Variants in PCNX3 observed in about 807,000 individuals in gnomAD.
PCNX3 encodes pecanex-like protein 3.
In PCNX3, 58 loss-of-function variants were observed where a neutral mutation model predicts 207.2. The ratio of observed to expected loss-of-function variants is 0.28; its 90% CI spans 0.23 to 0.35. PCNX3 has a LOEUF of 0.35. Among genes scored for constraint, PCNX3 ranks in the 10% least tolerant of loss-of-function variants. The probability of loss-of-function intolerance (pLI) is 1.00; values close to 1 mark genes in which losing one functional copy is unlikely to be tolerated. For synonymous variants in PCNX3, 1,337 were observed against 1,183.5 expected (o/e 1.13, Z -2.66); for missense variants, 2,410 against 2,774.4 (o/e 0.87, Z 2.95).
At chr11:65,627,907 C>T (rs1263092381) in intron 22 of PCNX3, among the ~76,000 whole-genome samples, 1 of 152,202 alleles carries the variant, frequency 6.6e-6, no homozygotes, top group East Asian at 1.9e-4. Flanking sequence ...TGGACGCAGA[C>T]CTCTGAGTTC....
intron 6 of PCNX3, chr11:65,619,289 C>T (rs1030663196): frequency 1.3e-5 from 5 of 397,688 alleles, no homozygotes; most frequent in African/African-American, 2.2e-5. Context: ...GAGTCTCTGT[C>T]CCCTGAGGAC....
At position 65,616,623 on chromosome 11, in the gene PCNX3, C is replaced by T. The variant is rs548421255; in HGVS notation, c.153+159C>T. On this transcript the variant is annotated intron_variant, in intron 1 of 34. Transcript: ENST00000355703. ...GGGCCAAAGTCTTCCTTTCTTGGATCGAGTGACCTTGAACCCTACACTTAA... is the reference window on the plus strand; with the variant it reads ...GGGCCAAAGTCTTCCTTTCTTGGATTGAGTGACCTTGAACCCTACACTTAA... 7.2e-5 allele frequency among the ~76,000 whole-genome samples: 11 copies of T among 152,286 alleles called. No homozygotes were observed. The South Asian group carries it at 8.3e-4, about 11-fold the overall frequency.
intron 1 of PCNX3, 142 bp from the exon 2 acceptor site, chr11:65,616,682 G>A (rs570791676): frequency 9.7e-7 from 1 of 1,029,678 alleles, no homozygotes; most frequent in East Asian, 2.6e-5. Context: ...AGAGCCCTTT[G>A]TCGAGGTCTG....
At position 65,617,278 on chromosome 11, in the gene PCNX3, C is replaced by T. The variant is rs1698686066; in HGVS notation, c.370C>T (p.Arg124Trp). 4 of 1,609,434 alleles carry T rather than the reference C, an allele frequency of 2.5e-6. No homozygotes were observed. Among genetic ancestry groups the T allele is most frequent in the Non-Finnish European group, 3.4e-6 (4 of 1,177,976 alleles). The change falls in exon 3 of 35, where the codon CGG (arginine) becomes TGG (tryptophan). Residue 124 changes from arginine to tryptophan, a missense_variant. Physicochemically the swap from Arg to Trp is moderately radical, Grantham distance 101. Around this residue, in one of 8 missense-constraint regions of PCNX3, gnomAD observed 1,104 missense variants for 970.3 expected, o/e 1.14. Coordinates refer to ENST00000355703, the MANE Select transcript of PCNX3 (RefSeq NM_032223.4). ...RDPGVEMTVF[R>W]KVSSTPPVRC... Reference sequence around the variant, plus strand: ...CCCCGGAGTGGAGATGACAGTGTTCCGGAAAGTCAGTTCCACACCCCCGGT... The same window carrying T: ...CCCCGGAGTGGAGATGACAGTGTTCTGGAAAGTCAGTTCCACACCCCCGGT...
intron 1 of PCNX3, 109 bp downstream of exon 1, chr11:65,616,573 CAG>C: frequency 7.5e-7 from 1 of 1,330,976 alleles, no homozygotes; most frequent in African/African-American, 1.5e-5. Context: ...GGAATCACTG[CAG>C]AGTTTGGGTC....
chr11:65,617,162 C>A (rs979061267), intron 2 of PCNX3, 88 bp from the exon 3 acceptor site: 20 of 1,428,324 alleles, frequency 1.4e-5, no homozygotes, highest in Non-Finnish European at 1.8e-5. Flanking sequence ...AAAGTGACTT[C>A]TGAAAAAGAA....
intron 10 of PCNX3, among the ~76,000 whole-genome samples, chr11:65,621,396 G>A (rs781319638): frequency 1.3e-5 from 2 of 152,212 alleles, no homozygotes; most frequent in Non-Finnish European, 2.9e-5. Context: ...CCAGCGCTCT[G>A]TCACTCTTAA....
rs762280552 is a variant in PCNX3, at chr11:65,619,734, C to T, written c.1830-20C>T. The T allele has an allele frequency of 3.3e-5, 51 of 1,561,972 alleles. No homozygotes were observed. The highest frequency in any genetic ancestry group is 4.1e-5 in the Non-Finnish European group (48 of 1,160,824). On this transcript the variant is annotated intron_variant, in intron 7 of 34. Transcript: ENST00000355703. Reference sequence around the variant, plus strand: ...CCCGCAAGCTCTAGCTGGCGCTGACCTGGGGCTGACCCTCTCCAGCAGCCT... The same window carrying T: ...CCCGCAAGCTCTAGCTGGCGCTGACTTGGGGCTGACCCTCTCCAGCAGCCT...
chr11:65,626,574 C>T lies in PCNX3; in HGVS notation c.3380-330C>T, dbSNP rs573401690. ...ACCAGCCTGAACCGAGGGGTCTGCC[C>T]TTTAGAAGGGCCCAGCTCACGGGCT... On this transcript the variant is annotated intron_variant, in intron 20 of 34. Transcript: ENST00000355703. The T allele has an allele frequency of 4.9e-5, 22 of 448,524 alleles. 1 individual carries two copies. The Admixed American group carries it at 6.8e-4, about 14-fold the overall frequency. The allele number at this position is 448,524 out of a possible 1,614,324, so 27.8% of individuals were successfully genotyped here. A position where few individuals can be genotyped will look rare whatever the true frequency, so the allele number is the denominator to read the frequency against.
chr11:65,617,972 G>C lies in PCNX3; in HGVS notation c.610G>C (p.Val204Leu), dbSNP rs540539268. The C allele has an allele frequency of 1.2e-5, 20 of 1,606,134 alleles. No homozygotes were observed. The African/African-American group carries it at 2.4e-4, about 19-fold the overall frequency. Residue 204 changes from valine to leucine, a missense_variant, in exon 6 of 35, where the codon GTC becomes CTC. By Grantham distance (32) the Val-to-Leu change is conservative. This residue lies in a region of PCNX3 where 1,104 missense variants were observed against 970.3 expected (regional missense o/e 1.14). Transcript: ENST00000355703. ...CCTTCCCCAGACGCCTCCAGGGGCT[G>C]TCCCAGACCCCTCTCTTGCCAGTAC... The part of the protein sequence containing the change: ...GDLPQTPPGA[V>L]PDPSLASTDS...
At chr11:65,633,825 A>G (rs1855714389) in intron 27 of PCNX3, among the ~76,000 whole-genome samples, 1 of 152,202 alleles carries the variant, frequency 6.6e-6, no homozygotes, top group South Asian at 2.1e-4. Flanking sequence ...TCAATTTCTC[A>G]TACAAACGGG....
intron 27 of PCNX3, among the ~76,000 whole-genome samples, chr11:65,633,268 A>C (rs1855687668): frequency 6.6e-6 from 1 of 152,182 alleles, no homozygotes; most frequent in South Asian, 2.1e-4. Flanking sequence ...CTGTCTTCCA[A>C]AGCTCCTGTA....
intron 24 of PCNX3, 50 bp from the exon 25 acceptor site, chr11:65,629,307 C>T (rs1195678755): frequency 2.6e-6 from 4 of 1,562,642 alleles, no homozygotes; most frequent in East Asian, 2.3e-5. Flanking sequence ...CAGGGTGCAC[C>T]CTCTCTTCAC....
At position 65,635,406 on chromosome 11, in the gene PCNX3, C is replaced by A. The variant is rs745951289; in HGVS notation, c.5142C>A (p.Ile1714=). Residue 1714 remains isoleucine (I), a synonymous_variant, in exon 31 of 35, where the codon ATC becomes ATA. Transcript: ENST00000355703. The surrounding 1 kb of genome is among the most constrained non-coding windows in gnomAD (Gnocchi z 9.9). ...ATGATGCCTCCGACGAGTACAAGATCATCATGCTCAACCGGCGCCACCTCA... is the reference window on the plus strand; with the variant it reads ...ATGATGCCTCCGACGAGTACAAGATAATCATGCTCAACCGGCGCCACCTCA... ...VLDDASDEYK[I]IMLNRRHLSF... is the part of the protein sequence containing the mutation. 8 of 1,612,186 alleles carry A rather than the reference C, an allele frequency of 5.0e-6. No homozygotes were observed. The highest frequency in any genetic ancestry group is 1.7e-4 in the Middle Eastern group (1 of 6,060).
intron 20 of PCNX3, chr11:65,626,430 A>C (rs1855394885): frequency 2.4e-6 from 1 of 412,730 alleles, no homozygotes; most frequent in South Asian, 2.1e-5. Flanking sequence ...TGGTTTTTAA[A>C]AAATCCTGGA....
Position 65,618,700 on chromosome 11 carries a change from C to T in PCNX3, c.1338C>T (p.Ser446=). The T allele has an allele frequency of 6.2e-7, 1 of 1,613,130 alleles. No individual in the cohort carries two copies. The highest frequency in any genetic ancestry group is 8.5e-7 in the Non-Finnish European group (1 of 1,179,644). ...CGCAGCGCCGCTACAGTACTGACAG[C>T]TCCTCTTCTACTTCCTGCTACTCCC... The part of the protein sequence containing the change: ...LRSQRRYSTD[S]SSSTSCYSPE... The change falls in exon 6 of 35, where the codon AGC becomes AGT. Residue 446 remains serine, a synonymous_variant. Transcript: ENST00000355703.
intron 27 of PCNX3, among the ~76,000 whole-genome samples, chr11:65,633,560 C>A (rs1467256809): frequency 6.6e-6 from 1 of 152,242 alleles, no homozygotes; most frequent in East Asian, 1.9e-4. Flanking sequence ...GCCCATGTGA[C>A]ATCTGGATGC....
intron 12 of PCNX3, 46 bp from the exon 13 acceptor site, chr11:65,623,883 C>T (rs936313434): frequency 6.2e-7 from 1 of 1,611,906 alleles, no homozygotes; most frequent in African/African-American, 1.3e-5. Flanking sequence ...TCTGACCATC[C>T]CGTGGGCATC....
rs1565149645 is a variant in PCNX3 at position 65,616,190 on chromosome 11, G to T, written c.-122G>T. Reference sequence around the variant, plus strand: ...GGCCGAGCCCCCCTCCCCCGCTGGGGGAGGCCATGGCGTGAGCGTGAGGCC... The same window carrying T: ...GGCCGAGCCCCCCTCCCCCGCTGGGTGAGGCCATGGCGTGAGCGTGAGGCC... On this transcript the variant is annotated 5_prime_UTR_variant, in exon 1 of 35. Transcript: ENST00000355703. 2.8e-6 allele frequency: 2 copies of T among 726,920 alleles called. No homozygotes were observed. The highest frequency in any genetic ancestry group is 3.9e-6 in the Non-Finnish European group (2 of 513,128). 45.0% of individuals were successfully genotyped at this position (726,920 alleles called of 1,614,324 possible). A position where few individuals can be genotyped will look rare whatever the true frequency, so the allele number is the denominator to read the frequency against.
Sources: allele counts gnomAD v4.1 joint callset (sites outside exome capture counted in the v4.1 genomes callset), GRCh38; gene constraint gnomAD v4.1.1; regional missense constraint gnomAD v4.1.1; non-coding constraint Gnocchi (gnomAD v3.1); transcripts MANE v1.5; gene names NCBI Gene and HGNC (gene_info 2026-07-23, HGNC 2026-07-21).